The following EXOC5 variants were observed in gnomAD, a reference collection of about 807,000 sequenced individuals.
EXOC5 encodes the protein SEC10-like 1.
In EXOC5, 17 loss-of-function variants were observed where a neutral mutation model predicts 90.8. The observed-to-expected ratio is 0.19, with a 90% CI of 0.13 to 0.28. The LOEUF is 0.28. Ranked by LOEUF, EXOC5 falls within the 10% of genes least tolerant of loss-of-function variation. EXOC5 has a pLI of 1.00. For synonymous variants in EXOC5, 260 were observed against 270.0 expected, an observed-to-expected ratio of 0.96 and a Z score of 0.36; for missense variants, 569 against 830.6, an observed-to-expected ratio of 0.69 and a Z score of 3.87.
rs1165851448 is a variant in EXOC5, at chr14:57,246,579, G to A, written c.270+132C>T. 15 of 771,140 alleles carry A rather than the reference G, an allele frequency of 1.9e-5. No individual in the cohort carries two copies. In the South Asian group the frequency reaches 2.2e-4, roughly 11 times the overall value. 47.8% of individuals were successfully genotyped at this position (771,140 alleles called of 1,614,324 possible). On this transcript the variant is annotated intron_variant, in intron 3 of 17. Transcript: ENST00000621441. ...ACAATTCATTAACATTTTACCCCATGGGACTAAAGCAGTAGAAAGAAATCT... is the reference window on the plus strand; with the variant it reads ...ACAATTCATTAACATTTTACCCCATAGGACTAAAGCAGTAGAAAGAAATCT...
Position 57,206,750 on chromosome 14 carries a change from C to A in EXOC5, c.*1859G>T, listed in dbSNP as rs1409778818. 6.6e-6 allele frequency: 1 copy of A among 152,384 alleles called. No individual in the cohort carries two copies. Among genetic ancestry groups the A allele is most frequent in the Non-Finnish European group, 1.5e-5 (1 of 67,908 alleles). The allele number at this position is 152,384 out of a possible 1,614,324, so 9.4% of individuals were successfully genotyped here. On this transcript the variant is annotated 3_prime_UTR_variant, in exon 18 of 18. Transcript: ENST00000621441. Reference sequence around the variant, plus strand: ...AAAATAACTAAGCAACAAGTATATGCTTTACATTTTAAAAATTAATCCAAA... The same window carrying A: ...AAAATAACTAAGCAACAAGTATATGATTTACATTTTAAAAATTAATCCAAA...
chr14:57,246,160 G>C (rs1410230306), intron 3 of EXOC5, among the ~76,000 whole-genome samples: 1 of 152,090 alleles, frequency 6.6e-6, no homozygotes. Context: ...TTGGCCTGCT[G>C]AGCCCCAGGA....
intron 5 of EXOC5, among the ~76,000 whole-genome samples, chr14:57,238,375 TACACACACAC>T (rs1183693696): frequency 8.0e-5 from 6 of 74,858 alleles, no homozygotes; most frequent in Non-Finnish European, 1.7e-4. Flanking sequence ...TATATATATA[TACACACACAC>T]ACACACACAC....
At chr14:57,222,282 C>A in intron 13 of EXOC5, 26 bp downstream of exon 13, 1 of 1,117,446 alleles carries the variant, frequency 8.9e-7, no homozygotes, top group South Asian at 1.5e-5. Context: ...AAGAATTTAA[C>A]ACAAGTGTAA....
At position 57,201,471 on chromosome 14, in the gene EXOC5, TACAC is replaced by T. The variant is rs565625078; in HGVS notation, c.*7134_*7137del. ...GTATATATACACACGCGTGTATATG[TACAC>T]ACACGTGTATAAACACACGTGTATA... On this transcript the variant is annotated 3_prime_UTR_variant, in exon 18 of 18. Transcript: ENST00000621441. 7.2e-6 allele frequency: 1 copy of T among 139,580 alleles called. No individual in the cohort carries two copies. The highest frequency in any genetic ancestry group is 2.1e-4 in the South Asian group (1 of 4,666). 8.6% of individuals were successfully genotyped at this position (139,580 alleles called of 1,614,324 possible).
At chr14:57,226,757 T>C (rs1883320376) in intron 12 of EXOC5, among the ~76,000 whole-genome samples, 1 of 152,162 alleles carries the variant, frequency 6.6e-6, no homozygotes, top group Admixed American at 6.5e-5. Flanking sequence ...TTTCAATAAA[T>C]GAAACTGAAA....
chr14:57,229,696 C>T (rs969086584), intron 12 of EXOC5, 38 bp downstream of exon 12: 6 of 1,379,678 alleles, frequency 4.3e-6, no homozygotes, highest in African/African-American at 1.4e-5. Context: ...TATCAAGGAA[C>T]AACTGTATAT....
At chr14:57,220,575 G>A (rs1471970510) in intron 13 of EXOC5, among the ~76,000 whole-genome samples, 2 of 152,072 alleles carry the variant, frequency 1.3e-5, no homozygotes, top group East Asian at 1.9e-4. Flanking sequence ...TGAGGAGGGA[G>A]GATCGCTTGG....
At chr14:57,248,811 A>C (rs1217743054) in intron 1 of EXOC5, among the ~76,000 whole-genome samples, 6 of 152,108 alleles carry the variant, frequency 3.9e-5, no homozygotes, top group Non-Finnish European at 7.4e-5. Flanking sequence ...CCAAGGATGA[A>C]TTAATATCCT....
In EXOC5 at chr14:57,209,645, T is replaced by C; in HGVS notation, c.1860A>G (p.Gln620=). ...TGCCACCCATACAACTGTAGGAATATTGTTGAAGATGCTCATAGATAAGTC... is the reference window on the plus strand; with the variant it reads ...TGCCACCCATACAACTGTAGGAATACTGTTGAAGATGCTCATAGATAAGTC... ...FHRLIYEHLQ[Q]YSYSCMGGML... Residue 620 remains glutamine (Q), a synonymous_variant, in exon 17 of 18, where the codon CAA becomes CAG. Transcript: ENST00000621441. The C allele has an allele frequency of 6.2e-7, 1 of 1,613,284 alleles. No homozygotes were observed.
rs1327692393 is a variant in EXOC5 at position 57,243,640 on chromosome 14, T to A, written c.465+525A>T. The A allele has an allele frequency of 2.0e-5, 3 of 152,566 alleles. No homozygotes were observed. In the East Asian group the frequency reaches 5.8e-4, roughly 29 times the overall value. 9.5% of individuals were successfully genotyped at this position (152,566 alleles called of 1,614,324 possible). ...GACCAGGAGTAAGTGACTAGTGCTA[T>A]GAAAAGGATTAACATAAACAATTAA... On this transcript the variant is annotated intron_variant, in intron 4 of 17. Transcript: ENST00000621441.
chr14:57,263,664 G>A (rs559498874), intron 1 of EXOC5, among the ~76,000 whole-genome samples: 1 of 149,878 alleles, frequency 6.7e-6, no homozygotes, highest in Admixed American at 6.7e-5. Context: ...TACCCAGGAG[G>A]CTGAGGCAGG....
chr14:57,246,864 A>G lies in EXOC5; in HGVS notation c.123-6T>C. ...TTACAAATTCTTCTAATAATCTAAC[A>G]GAGGAAAGTTTGAATATGTATCAAT... On this transcript the variant is annotated splice_region_variant and splice_polypyrimidine_tract_variant and intron_variant, in intron 2 of 17. Coordinates refer to ENST00000621441, the MANE Select transcript of EXOC5 (RefSeq NM_006544.4). The G allele has an allele frequency of 6.5e-7, 1 of 1,543,536 alleles. No individual in the cohort carries two copies. The highest frequency in any genetic ancestry group is 2.2e-5 in the East Asian group (1 of 44,498).
chr14:57,238,235 C>T (rs1014848480), intron 5 of EXOC5, among the ~76,000 whole-genome samples: 9 of 149,486 alleles, frequency 6.0e-5, no homozygotes, highest in African/African-American at 2.2e-4. Flanking sequence ...CACACACACA[C>T]ACACACACAC....
At chr14:57,218,105 A>G (rs751260249) in intron 14 of EXOC5, 37 bp from the exon 15 acceptor site, 1 of 1,026,848 alleles carries the variant, frequency 9.7e-7, no homozygotes, top group East Asian at 2.4e-5. Flanking sequence ...AATCATATTA[A>G]TAGTCTAATA....
intron 4 of EXOC5, 102 bp downstream of exon 4, chr14:57,244,063 T>G (rs1883958619): frequency 5.5e-6 from 4 of 725,368 alleles, no homozygotes; most frequent in Non-Finnish European, 7.0e-6. Flanking sequence ...AGTCAGCTAC[T>G]CAGTGATTTG....
At chr14:57,209,900 T>A in intron 16 of EXOC5, 53 bp downstream of exon 16, 1 of 1,183,642 alleles carries the variant, frequency 8.4e-7, no homozygotes, top group Admixed American at 2.0e-5. Context: ...CACAGTAGGA[T>A]ACACCAATGA....
intron 15 of EXOC5, among the ~76,000 whole-genome samples, chr14:57,213,732 G>T (rs1042247482): frequency 6.6e-6 from 1 of 152,048 alleles, no homozygotes; most frequent in African/African-American, 2.4e-5. Flanking sequence ...ACTTTGGGAG[G>T]CTGAGGTGGG....
chr14:57,224,677 T>C lies in EXOC5; in HGVS notation c.1297-2261A>G, dbSNP rs559908278. 9.9e-5 allele frequency among the ~76,000 whole-genome samples: 15 copies of C among 152,234 alleles called. No individual in the cohort carries two copies. The South Asian group carries it at 2.9e-3, about 29-fold the overall frequency. On this transcript the variant is annotated intron_variant, in intron 12 of 17. Coordinates refer to ENST00000621441, the MANE Select transcript of EXOC5 (RefSeq NM_006544.4). ...AAGAATACCAATTCTACTCAAACTC[T>C]TCCAGAAAATTGAGAGGGGTGGTGG...
Sources: allele counts gnomAD v4.1 joint callset (sites outside exome capture counted in the v4.1 genomes callset), GRCh38; gene constraint gnomAD v4.1.1; transcripts MANE v1.5; gene names NCBI Gene and HGNC (gene_info 2026-07-23, HGNC 2026-07-21).